ABCA5: variants seen among roughly 807,000 people sequenced by gnomAD.
The protein encoded by ABCA5 is ATP binding cassette subfamily A member 5.
ABCA5 carries 163 observed loss-of-function variants against 206.0 expected under a neutral mutation model. The observed-to-expected ratio is 0.79, with a 90% CI of 0.70 to 0.90. The LOEUF is 0.90. Among genes scored for constraint, ABCA5 ranks in the 40% least tolerant of loss-of-function variants. ABCA5 has a pLI of 0.00. For missense variants in ABCA5, 1,859 were observed against 1,912.9 expected, an observed-to-expected ratio of 0.97 and a Z score of 0.53; for synonymous variants, 609 against 613.8, an observed-to-expected ratio of 0.99 and a Z score of 0.11.
At position 69,270,915 on chromosome 17, in the gene ABCA5, A is replaced by ATATTTTACAATATTTTAATCTGTAAAAT. The variant is rs566448541; in HGVS notation, c.2893-166_2893-165insATTTTACAGATTAAAATATTGTAAAATA. Among the ~76,000 whole-genome samples, 757 of 152,318 alleles carry ATATTTTACAATATTTTAATCTGTAAAAT rather than the reference A, an allele frequency of 5.0e-3. 2 individuals carry two copies. Among genetic ancestry groups the ATATTTTACAATATTTTAATCTGTAAAAT allele is most frequent in the Non-Finnish European group, 8.2e-3 (557 of 68,004 alleles). On this transcript the variant is annotated intron_variant, in intron 21 of 38. Coordinates refer to ENST00000392676, the MANE Select transcript of ABCA5 (RefSeq NM_172232.4). ...GACAGATAAAGACAATCTGGTTTGG[A>ATATTTTACAATATTTTAATCTGTAAAAT]ATGTACAGATATTTTAATATTTTAA...
At position 69,288,509 on chromosome 17, in the gene ABCA5, A is replaced by G. The variant is rs904119944; in HGVS notation, c.1902+668T>C. Among the ~76,000 whole-genome samples, 5 of 152,306 alleles carry G rather than the reference A, an allele frequency of 3.3e-5. No individual in the cohort carries two copies. The East Asian group carries it at 9.6e-4, about 29-fold the overall frequency. The stretch of plus-strand genomic sequence containing the variant: ...GAGAACAAGAGAGTAATACTATTAT[A>G]GCTACCATTCCAATTCAGCAATGTT... On this transcript the variant is annotated intron_variant, in intron 14 of 38. Transcript: ENST00000392676.
At chr17:69,251,615 A>G (rs2075014285) in intron 35 of ABCA5, 132 bp downstream of exon 35, 7 of 1,257,998 alleles carry the variant, frequency 5.6e-6, no homozygotes, top group East Asian at 2.6e-5. Context: ...AAGTCAATCT[A>G]TCAAAAGCTA....
intron 1 of ABCA5, among the ~76,000 whole-genome samples, chr17:69,315,781 T>G (rs1288093001): frequency 3.3e-5 from 2 of 60,864 alleles, no homozygotes; most frequent in Non-Finnish European, 7.9e-5. Flanking sequence ...AGGATCCGCC[T>G]CAAAAAAAAA....
chr17:69,255,948 G>T, intron 29 of ABCA5, 98 bp from the exon 30 acceptor site: 1 of 1,122,332 alleles, frequency 8.9e-7, no homozygotes, highest in Non-Finnish European at 1.2e-6. Flanking sequence ...AATTATATTG[G>T]CTAATAAGGG....
chr17:69,273,266 T>C (rs565365501), intron 20 of ABCA5, among the ~76,000 whole-genome samples: 1 of 152,140 alleles, frequency 6.6e-6, no homozygotes, highest in Admixed American at 6.5e-5. Flanking sequence ...ATTAAAACAC[T>C]TCTATGCAGA....
At position 69,286,299 on chromosome 17, in the gene ABCA5, A is replaced by C. The variant is rs771726682; in HGVS notation, c.2054T>G (p.Val685Gly). ...EADILADRKA[V>G]ISQGMLKCVG... ...ACATTTCAGCATTCCTTGTGATATC[A>C]CAGCTTTCCTATCTGCAGATAAATA... Residue 685 changes from valine to glycine, a missense_variant, in exon 16 of 39, where the codon GTG becomes GGG. Physicochemically the swap from Val to Gly is moderately radical, Grantham distance 109. Coordinates refer to ENST00000392676, the MANE Select transcript of ABCA5 (RefSeq NM_172232.4). 2 of 1,590,866 alleles carry C rather than the reference A, an allele frequency of 1.3e-6. No homozygotes were observed.
At chr17:69,290,454 C>T (rs1006539750) in intron 12 of ABCA5, among the ~76,000 whole-genome samples, 1 of 152,022 alleles carries the variant, frequency 6.6e-6, no homozygotes, top group Non-Finnish European at 1.5e-5. Context: ...CTTTTTTATA[C>T]AGTGAACACT....
intron 28 of ABCA5, 24 bp from the exon 29 acceptor site, chr17:69,256,307 AAGAC>A (rs750881997): frequency 1.4e-6 from 2 of 1,448,252 alleles, no homozygotes; most frequent in South Asian, 1.4e-5. Context: ...ATAAATATAA[AAGAC>A]AGTAGGTTTT....
intron 5 of ABCA5, among the ~76,000 whole-genome samples, chr17:69,307,526 T>C (rs1198964273): frequency 6.6e-6 from 1 of 152,058 alleles, no homozygotes; most frequent in Non-Finnish European, 1.5e-5. Context: ...GCTAAAAACT[T>C]TGGCCAAAAT....
chr17:69,276,646 G>A lies in ABCA5; in HGVS notation c.2594+995C>T, dbSNP rs534816334. On this transcript the variant is annotated intron_variant, in intron 19 of 38. Transcript: ENST00000392676. ...AAGGAGGGGAACATCACACACCGGG[G>A]CCTGTTGGAGGGTTGGGACTGGGGA... Among the ~76,000 whole-genome samples, 8 of 152,220 alleles carry A rather than the reference G, an allele frequency of 5.3e-5. No individual in the cohort carries two copies. The South Asian group carries it at 1.5e-3, about 28-fold the overall frequency.
At chr17:69,303,212 G>T (rs538328181) in intron 7 of ABCA5, among the ~76,000 whole-genome samples, 1 of 152,200 alleles carries the variant, frequency 6.6e-6, no homozygotes, top group East Asian at 1.9e-4. Flanking sequence ...CCACCTCCTG[G>T]GTTCAGGTGA....
At chr17:69,283,392 C>A (rs2075417731) in intron 18 of ABCA5, among the ~76,000 whole-genome samples, 1 of 152,160 alleles carries the variant, frequency 6.6e-6, no homozygotes, top group South Asian at 2.1e-4. Context: ...CATTCAACAA[C>A]CAGAACGTGT....
At chr17:69,276,674 G>C (rs568321078) in intron 19 of ABCA5, among the ~76,000 whole-genome samples, 1 of 152,250 alleles carries the variant, frequency 6.6e-6, no homozygotes, top group South Asian at 2.1e-4. Flanking sequence ...ACTGGGGAGG[G>C]ATAGCATTAG....
At chr17:69,297,439 C>A (rs568536) in intron 9 of ABCA5, 80 bp from the exon 10 acceptor site, 68 of 1,329,968 alleles carry the variant, frequency 5.1e-5, no homozygotes, top group Middle Eastern at 2.4e-4. Flanking sequence ...CATATGACAA[C>A]CTGCATCTAA....
intron 19 of ABCA5, among the ~76,000 whole-genome samples, chr17:69,276,709 G>A (rs1026915168): frequency 6.6e-6 from 1 of 152,110 alleles, no homozygotes; most frequent in African/African-American, 2.4e-5. Context: ...GTAGTGATAG[G>A]TTGATGAGTG....
chr17:69,324,245 T>C (rs1433286457), intron 1 of ABCA5, among the ~76,000 whole-genome samples: 1 of 152,148 alleles, frequency 6.6e-6, no homozygotes, highest in Non-Finnish European at 1.5e-5. Flanking sequence ...AGATAAAATT[T>C]AATATAATGT....
chr17:69,267,433 A>T (rs919185778), intron 23 of ABCA5, among the ~76,000 whole-genome samples: 1 of 152,196 alleles, frequency 6.6e-6, no homozygotes, highest in African/African-American at 2.4e-5. Flanking sequence ...AAGAATACCA[A>T]AGAACCTCTG....
chr17:69,278,940 G>A (rs1447836846), intron 18 of ABCA5, among the ~76,000 whole-genome samples: 3 of 149,640 alleles, frequency 2.0e-5, no homozygotes. Flanking sequence ...TACTGAATGG[G>A]CAAAAACTGG....
chr17:69,259,569 G>C (rs1009956809), intron 28 of ABCA5, 137 bp downstream of exon 28: 1 of 532,838 alleles, frequency 1.9e-6, no homozygotes, highest in African/African-American at 2.0e-5. Context: ...TGGGAATAGG[G>C]ATAAGAAAGT....
Sources: gnomAD v4.1 joint callset for allele counts (sites outside exome capture counted in the v4.1 genomes callset) on GRCh38, gnomAD v4.1.1 for gene constraint, MANE v1.5 for transcripts, NCBI Gene and HGNC (gene_info 2026-07-23, HGNC 2026-07-21) for gene names.